Variants in CFAP74 observed in about 807,000 individuals in gnomAD.
CFAP74 encodes cilia- and flagella-associated protein 74.
A neutral mutation model predicts 188.9 loss-of-function variants in CFAP74; 124 were observed. The ratio of observed to expected loss-of-function variants is 0.66; its 90% CI spans 0.57 to 0.76. CFAP74 has a LOEUF of 0.76. Ranked by LOEUF, CFAP74 falls within the 30% of genes least tolerant of loss-of-function variation. The pLI is 0.00. For synonymous variants in CFAP74, 956 were observed against 916.7 expected (o/e 1.04, Z -0.77); for missense variants, 2,198 against 2,165.2 (o/e 1.02, Z -0.30).
At position 2,000,151 on chromosome 1, in the gene CFAP74, G is replaced by A. The variant is rs140861353; in HGVS notation, c.-20+3550C>T. 1.1e-4 allele frequency among the ~76,000 whole-genome samples: 16 copies of A among 152,172 alleles called. No homozygotes were observed. The East Asian group carries it at 2.7e-3, about 26-fold the overall frequency. Reference sequence around the variant, plus strand: ...TGCACTCCAGCCTGGGCGACAGAGCGAGACTCCATCTCAAAAAAAAGAAAA... The same window carrying A: ...TGCACTCCAGCCTGGGCGACAGAGCAAGACTCCATCTCAAAAAAAAGAAAA... On this transcript the variant is annotated intron_variant, in intron 1 of 38. Coordinates refer to ENST00000682832, the MANE Select transcript of CFAP74 (RefSeq NM_001304360.2).
chr1:1,931,830 A>G (rs1432501930), intron 25 of CFAP74, among the ~76,000 whole-genome samples: 1 of 150,884 alleles, frequency 6.6e-6, no homozygotes, highest in Non-Finnish European at 1.5e-5. Flanking sequence ...TGGGAGACCG[A>G]GGCGGGTGGA....
chr1:1,940,290 T>A, intron 23 of CFAP74, 26 bp downstream of exon 23: 2 of 1,512,900 alleles, frequency 1.3e-6, no homozygotes. Flanking sequence ...GCGCCCAGCA[T>A]CCCTGGGAAG....
rs966009100 is a variant in CFAP74 at position 1,946,377 on chromosome 1, G to A, written c.2304C>T (p.Val768=). The A allele has an allele frequency of 5.2e-6, 8 of 1,536,954 alleles. No individual in the cohort carries two copies. The highest frequency in any genetic ancestry group is 4.9e-5 in the East Asian group (2 of 40,916). The change falls in exon 20 of 39, where the codon GTC becomes GTT. Residue 768 remains valine (V), a synonymous_variant. Transcript: ENST00000682832. ...SIKVPIVFTP[V]VPGDVQARFK... The stretch of plus-strand genomic sequence containing the variant: ...ACCTGGCTTGGACGTCGCCTGGGAC[G>A]ACCGGAGTGAAGACGATGGGCACCT...
chr1:1,999,249 A>G (rs1658077804), intron 1 of CFAP74, among the ~76,000 whole-genome samples: 2 of 152,202 alleles, frequency 1.3e-5, no homozygotes, highest in African/African-American at 4.8e-5. Flanking sequence ...GGCCAGAAAC[A>G]GGCCCCCACG....
At position 1,924,458 on chromosome 1, in the gene CFAP74, G is replaced by A. The variant is rs1651689874; in HGVS notation, c.4167C>T (p.Thr1389=). The A allele has an allele frequency of 1.3e-6, 2 of 1,591,582 alleles. No individual in the cohort carries two copies. The highest frequency in any genetic ancestry group is 1.4e-5 in the African/African-American group (1 of 70,900). ...GCAGCTGCTGCTGGCCCCGGCCCCG[G>A]GTGCTGGAGAGGCTGTCCAGGTGCA... ...FSMHLDSLSS[T]RGRGQQQLPQ... Residue 1389 remains threonine (T), a synonymous_variant, in exon 34 of 39, where the codon ACC becomes ACT. Coordinates refer to ENST00000682832, the MANE Select transcript of CFAP74 (RefSeq NM_001304360.2).
chr1:1,938,239 A>C (rs61587061), intron 25 of CFAP74, among the ~76,000 whole-genome samples: 8 of 150,818 alleles, frequency 5.3e-5, no homozygotes, highest in East Asian at 1.9e-4. Flanking sequence ...ACATGCTCAC[A>C]CATACAAGCA....
At chr1:1,940,609 G>A (rs948556533) in intron 22 of CFAP74, among the ~76,000 whole-genome samples, 2 of 152,310 alleles carry the variant, frequency 1.3e-5, no homozygotes, top group Admixed American at 1.3e-4. Context: ...GGGCTCTGGC[G>A]TGTCTAAGTA....
intron 22 of CFAP74, among the ~76,000 whole-genome samples, chr1:1,941,507 G>A (rs1195223878): frequency 1.3e-5 from 2 of 152,234 alleles, no homozygotes; most frequent in Non-Finnish European, 2.9e-5. Context: ...AGGGACAGCT[G>A]GGTGACAGGG....
chr1:1,988,991 A>T lies in CFAP74; in HGVS notation c.68-18T>A. ...ATCTCTTTCTAGAAATCAAGGCAAG[A>T]GTTTAAAAAAAAAAAAAAGCAGATC... On this transcript the variant is annotated intron_variant, in intron 2 of 38. Transcript: ENST00000682832. 1 of 1,200,110 alleles carries T rather than the reference A, an allele frequency of 8.3e-7. No homozygotes were observed. The highest frequency in any genetic ancestry group is 1.2e-6 in the Non-Finnish European group (1 of 838,120). The allele number at this position is 1,200,110 out of a possible 1,614,324, so 74.3% of individuals were successfully genotyped here. A position where few individuals can be genotyped will look rare whatever the true frequency, so the allele number is the denominator to read the frequency against.
Position 1,968,794 on chromosome 1 carries a change from G to C in CFAP74, c.1086C>G (p.Ile362Met). ...EEEQKLRKQE[I>M]ISRILKEEAE... ...CCTCCTCTTTCAGAATCCGACTGAT[G>C]ATCTCCTGCTTTCTGAGCTTCTGCT... Residue 362 changes from isoleucine (I) to methionine (M), a missense_variant, in exon 11 of 39, where the codon ATC (isoleucine) becomes ATG (methionine). By Grantham distance (10) the Ile-to-Met change is conservative (BLOSUM62 1). Transcript: ENST00000682832. The surrounding 1 kb of genome is among the most constrained non-coding windows in gnomAD (Gnocchi z 4.3). 1 of 1,614,066 alleles carries C rather than the reference G, an allele frequency of 6.2e-7. No homozygotes were observed.
Position 1,923,560 on chromosome 1 carries a change from G to T in CFAP74, c.4390-61C>A. On this transcript the variant is annotated intron_variant, in intron 35 of 38. Transcript: ENST00000682832. This position sits in a 1 kb window ranked among gnomAD's most constrained non-coding sequence, Gnocchi z 6.3. ...GCTCGGCGGCAGGGGTCCTGCTGGT[G>T]AGAGCTGGGCTGGCTCAGGGAAGGA... is the stretch of plus-strand genomic sequence containing the variant. The T allele has an allele frequency of 1.9e-6, 3 of 1,584,846 alleles. No individual in the cohort carries two copies. Among genetic ancestry groups the T allele is most frequent in the Non-Finnish European group, 2.6e-6 (3 of 1,162,352 alleles).
Position 1,970,978 on chromosome 1 carries a change from GCA to G in CFAP74, c.889-164_889-163del, listed in dbSNP as rs1260938173. Among the ~76,000 whole-genome samples the G allele has an allele frequency of 3.4e-5, 5 of 147,980 alleles. No individual in the cohort carries two copies. In the East Asian group the frequency reaches 8.3e-4, roughly 24 times the overall value. On this transcript the variant is annotated intron_variant, in intron 9 of 38. Transcript: ENST00000682832. ...ATGCACACATCACACATGCACACCT[GCA>G]CACACGTGCACACACACACGCACAC...
chr1:1,971,058 C>A (rs1285995445), intron 9 of CFAP74, among the ~76,000 whole-genome samples: 1 of 148,986 alleles, frequency 6.7e-6, no homozygotes. Context: ...CACACACATG[C>A]TCACACACGC....
intron 1 of CFAP74, among the ~76,000 whole-genome samples, chr1:1,992,988 G>A (rs1307746781): frequency 6.6e-6 from 1 of 151,148 alleles, no homozygotes; most frequent in Admixed American, 6.6e-5. Flanking sequence ...ATCACTTGAG[G>A]TCAGGAATTT....
rs189511191 is a variant in CFAP74 at position 1,942,153 on chromosome 1, C to T, written c.2490G>A (p.Ser830=). 1.2e-4 allele frequency: 181 copies of T among 1,513,268 alleles called. 2 individuals are homozygous for T. The East Asian group carries it at 4.1e-3, about 35-fold the overall frequency. The allele number at this position is 1,513,268 out of a possible 1,614,324, so 93.7% of individuals were successfully genotyped here. ...YQDSVLVHTR[S]KAALRLKFEV... ...CGAACTTCAGGCGCAGGGCAGCTTT[C>T]GACCTGTGGGCGTGTCGCAGGGCAC... Residue 830 remains serine (S), a synonymous_variant, in exon 22 of 39, where the codon TCG becomes TCA. Coordinates refer to ENST00000682832, the MANE Select transcript of CFAP74 (RefSeq NM_001304360.2). This position sits in a 1 kb window ranked among gnomAD's most constrained non-coding sequence, Gnocchi z 4.3.
intron 5 of CFAP74, among the ~76,000 whole-genome samples, chr1:1,985,702 G>T (rs902106357): frequency 1.1e-4 from 16 of 152,380 alleles, no homozygotes; most frequent in African/African-American, 3.8e-4. Flanking sequence ...GCCCCAGGGG[G>T]AGTGAGGGCT....
intron 16 of CFAP74, among the ~76,000 whole-genome samples, chr1:1,958,079 G>A (rs1212680982): frequency 6.6e-6 from 1 of 152,246 alleles, no homozygotes; most frequent in African/African-American, 2.4e-5. Context: ...GCCACCATCG[G>A]TGACTCTCAT....
rs1656227047 is a variant in CFAP74 at position 1,973,453 on chromosome 1, G to A, written c.675-406C>T. 6.6e-6 allele frequency among the ~76,000 whole-genome samples: 1 copy of A among 152,170 alleles called. No homozygotes were observed. The highest frequency in any genetic ancestry group is 2.4e-5 in the African/African-American group (1 of 41,428). ...TGAAGGGAAGGAATGAGATGGGGGA[G>A]GGGATGGAGGCCAGAAGGGGGTCCC... On this transcript the variant is annotated intron_variant, in intron 7 of 38. Coordinates refer to ENST00000682832, the MANE Select transcript of CFAP74 (RefSeq NM_001304360.2). The surrounding 1 kb of genome is among the most constrained non-coding windows in gnomAD (Gnocchi z 6.2).
At chr1:1,956,834 G>A (rs114981028) in intron 16 of CFAP74, 50 bp from the exon 17 acceptor site, 2 of 1,586,698 alleles carry the variant, frequency 1.3e-6, no homozygotes, top group Admixed American at 1.8e-5. Context: ...AGGCCCACAG[G>A]GTGCCCAGCG....
Sources: allele counts gnomAD v4.1 joint callset (sites outside exome capture counted in the v4.1 genomes callset), GRCh38; gene constraint gnomAD v4.1.1; non-coding constraint Gnocchi (gnomAD v3.1); transcripts MANE v1.5; gene names NCBI Gene and HGNC (gene_info 2026-07-23, HGNC 2026-07-21).